The following BBS2 variants were observed in gnomAD, a reference collection of about 807,000 sequenced individuals.
BBS2 encodes Bardet-Biedl syndrome 2.
BBS2 carries 62 observed loss-of-function variants against 83.0 expected under a neutral mutation model. The ratio of observed to expected loss-of-function variants is 0.75; its 90% CI spans 0.61 to 0.92. The LOEUF (loss-of-function observed/expected upper bound fraction) is 0.92, where lower values mean the gene tolerates loss of function less well. Ranked by LOEUF, BBS2 falls within the 40% of genes least tolerant of loss-of-function variation. The pLI is 0.00. For synonymous variants in BBS2, 303 were observed against 326.1 expected (o/e 0.93, Z 0.76); for missense variants, 784 against 901.0 (o/e 0.87, Z 1.66).
At chr16:56,476,226 CAA>C (rs1159869159) in intron 17 of BBS2, 2 of 1,598,820 alleles carry the variant, frequency 1.3e-6, no homozygotes. Flanking sequence ...CAAAGCTGAA[CAA>C]AAATGTGACC....
intron 15 of BBS2, among the ~76,000 whole-genome samples, chr16:56,486,257 C>G (rs1231749318): frequency 6.6e-6 from 1 of 152,160 alleles, no homozygotes; most frequent in African/African-American, 2.4e-5. Flanking sequence ...GCATTGTGGA[C>G]AGAAATACAA....
intron 1 of BBS2, among the ~76,000 whole-genome samples, chr16:56,515,694 A>T (rs979936961): frequency 1.3e-5 from 2 of 152,278 alleles, no homozygotes; most frequent in African/African-American, 4.8e-5. Flanking sequence ...TCAACAAAAA[A>T]TAATTTTCAA....
intron 15 of BBS2, among the ~76,000 whole-genome samples, chr16:56,495,957 T>C: frequency 6.6e-6 from 1 of 152,030 alleles, no homozygotes; most frequent in Non-Finnish European, 1.5e-5. Flanking sequence ...TTGATAACTG[T>C]TGAAGTTGGG....
downstream of BBS2, among the ~76,000 whole-genome samples, chr16:56,483,458 GA>G (rs1228966916): frequency 6.6e-6 from 1 of 152,164 alleles, no homozygotes; most frequent in Non-Finnish European, 1.5e-5. Flanking sequence ...AACTCAGGTA[GA>G]AAAGTTTGTC....
At chr16:56,489,866 G>A (rs1963888862) in intron 15 of BBS2, among the ~76,000 whole-genome samples, 1 of 152,064 alleles carries the variant, frequency 6.6e-6, no homozygotes, top group Non-Finnish European at 1.5e-5. Context: ...GCTCACGCCT[G>A]AAATCCCAGC....
rs1429896105 is a variant in BBS2 at position 56,519,965 on chromosome 16, C to A, written c.-103G>T. 4.0e-6 allele frequency: 4 copies of A among 1,007,756 alleles called. No homozygotes were observed. Among genetic ancestry groups the A allele is most frequent in the Non-Finnish European group, 6.1e-6 (4 of 651,086 alleles). 62.4% of individuals were successfully genotyped at this position (1,007,756 alleles called of 1,614,324 possible). On this transcript the variant is annotated 5_prime_UTR_variant, in exon 1 of 17. Transcript: ENST00000245157. ...AAGTGCAGGGACACTACCTGCGCGG[C>A]CCCAGCCGCCTCAGGCCGGACGCGA...
downstream of BBS2, among the ~76,000 whole-genome samples, chr16:56,479,765 C>T (rs1205693327): frequency 6.6e-6 from 1 of 152,240 alleles, no homozygotes; most frequent in African/African-American, 2.4e-5. Flanking sequence ...CACACCTGTG[C>T]CTGGGCCTGC....
chr16:56,502,197 C>T, intron 9 of BBS2, 120 bp downstream of exon 9: 4 of 1,363,906 alleles, frequency 2.9e-6, no homozygotes, highest in South Asian at 1.2e-5. Context: ...TCAATTCTGA[C>T]AATGGCAAAA....
chr16:56,475,963 A>AC, intron 17 of BBS2: 1 of 1,284,608 alleles, frequency 7.8e-7, no homozygotes, highest in South Asian at 1.4e-5. Context: ...TGATATGGAA[A>AC]CCATCTGTTC....
At chr16:56,502,211 C>T (rs1395987268) in intron 9 of BBS2, 106 bp downstream of exon 9, 1 of 1,495,842 alleles carries the variant, frequency 6.7e-7, no homozygotes, top group Admixed American at 1.7e-5. Context: ...GGCAAAAAGG[C>T]CACACCCTGG....
Position 56,506,181 on chromosome 16 carries a change from T to C in BBS2, c.656A>G (p.Tyr219Cys). ...LCPMYGSRFG[Y>C]ALSNGTVGVY... ...TCCAACTGTGCCATTGGAAAGGGCA[T>C]AACCAAATCGACTGCCATACATGGG... is the stretch of plus-strand genomic sequence containing the variant. Residue 219 changes from tyrosine (Y) to cysteine (C), a missense_variant, in exon 6 of 17, where the codon TAT becomes TGT. Physicochemically the swap from Tyr to Cys is radical, Grantham distance 194. Transcript: ENST00000245157. 1 of 1,614,080 alleles carries C rather than the reference T, an allele frequency of 6.2e-7. No individual in the cohort carries two copies. Among genetic ancestry groups the C allele is most frequent in the Non-Finnish European group, 8.5e-7 (1 of 1,179,968 alleles).
At chr16:56,518,997 G>A (rs1964833865) in intron 1 of BBS2, among the ~76,000 whole-genome samples, 1 of 152,206 alleles carries the variant, frequency 6.6e-6, no homozygotes, top group Admixed American at 6.5e-5. Flanking sequence ...ATTTGAATAA[G>A]TTAATTTTTG....
chr16:56,485,218 CT>C (rs1567563995), intron 16 of BBS2, among the ~76,000 whole-genome samples: 1 of 152,084 alleles, frequency 6.6e-6, no homozygotes, highest in East Asian at 1.9e-4. Context: ...TCCTATTGTT[CT>C]TTTCTAAATT....
chr16:56,518,287 TG>T (rs1304425739), intron 1 of BBS2, among the ~76,000 whole-genome samples: 1 of 152,234 alleles, frequency 6.6e-6, no homozygotes, highest in African/African-American at 2.4e-5. Context: ...AACTATAAAT[TG>T]TTACACAAAT....
chr16:56,474,936 A>G, intron 17 of BBS2: 1 of 1,613,850 alleles, frequency 6.2e-7, no homozygotes. Flanking sequence ...TTAATTCTGT[A>G]CTGTGGCTGT....
intron 1 of BBS2, among the ~76,000 whole-genome samples, chr16:56,518,260 C>T (rs1483121150): frequency 6.6e-6 from 1 of 152,172 alleles, no homozygotes; most frequent in Non-Finnish European, 1.5e-5. Flanking sequence ...ATACAATATA[C>T]ATGGAAGTGT....
At chr16:56,515,056 T>C (rs1235795930) in intron 1 of BBS2, among the ~76,000 whole-genome samples, 1 of 152,172 alleles carries the variant, frequency 6.6e-6, no homozygotes, top group Non-Finnish European at 1.5e-5. Flanking sequence ...AAGAAGATCA[T>C]GGAAAACAGA....
intron 15 of BBS2, among the ~76,000 whole-genome samples, chr16:56,494,650 T>C (rs1397338140): frequency 2.6e-5 from 4 of 152,134 alleles, no homozygotes; most frequent in Non-Finnish European, 5.9e-5. Context: ...AGACTTCCAT[T>C]GCCCACAGAC....
chr16:56,495,029 T>C (rs1964078768), intron 15 of BBS2, among the ~76,000 whole-genome samples: 1 of 151,482 alleles, frequency 6.6e-6, no homozygotes, highest in African/African-American at 2.4e-5. Context: ...ACATTAAATA[T>C]GTTCAAATAC....
Sources: gnomAD v4.1 joint callset for allele counts (sites outside exome capture counted in the v4.1 genomes callset) on GRCh38, gnomAD v4.1.1 for gene constraint, MANE v1.5 for transcripts, NCBI Gene and HGNC (gene_info 2026-07-23, HGNC 2026-07-21) for gene names.